Variants in EHMT1 observed in about 807,000 individuals in gnomAD.
EHMT1 encodes the protein histone-lysine N-methyltransferase EHMT1.
A neutral mutation model predicts 147.2 loss-of-function variants in EHMT1; 15 were observed. The observed-to-expected ratio is 0.10, with a 90% confidence interval of 0.07 to 0.16. The LOEUF is 0.16. EHMT1 is among the 10% of genes least tolerant of loss of function. The pLI, the probability that EHMT1 is intolerant of heterozygous loss-of-function variation, is 1.00. For synonymous variants in EHMT1, 795 were observed against 709.6 expected (o/e 1.12, Z -1.91); for missense variants, 1,587 against 1,772.4 (o/e 0.90, Z 1.88).
rs1437319177 is a variant in EHMT1, at chr9:137,813,650, A to G, written c.3180+120A>G. 4 of 1,393,280 alleles carry G rather than the reference A, an allele frequency of 2.9e-6. No homozygotes were observed. The highest frequency in any genetic ancestry group is 4.0e-6 in the Non-Finnish European group (4 of 1,011,612). The allele number at this position is 1,393,280 out of a possible 1,614,324, so 86.3% of individuals were successfully genotyped here. Reference sequence around the variant, plus strand: ...CAGGAGGGCTTATGGGGGGCTTCCCAGGAAGACCTCATTCTCTTTGTAGTT... The same window carrying G: ...CAGGAGGGCTTATGGGGGGCTTCCCGGGAAGACCTCATTCTCTTTGTAGTT... On this transcript the variant is annotated intron_variant, in intron 21 of 26. Coordinates refer to ENST00000460843, the MANE Select transcript of EHMT1 (RefSeq NM_024757.5). The surrounding 1 kb of genome is among the most constrained non-coding windows in gnomAD (Gnocchi z 4.9).
intron 1 of EHMT1, among the ~76,000 whole-genome samples, chr9:137,697,773 A>G (rs750832348): frequency 6.6e-6 from 1 of 152,254 alleles, no homozygotes; most frequent in Non-Finnish European, 1.5e-5. Flanking sequence ...GCTTTCTGGA[A>G]AAATGAGCAA....
At chr9:137,659,796 C>A (rs772558420) in intron 1 of EHMT1, among the ~76,000 whole-genome samples, 1 of 152,004 alleles carries the variant, frequency 6.6e-6, no homozygotes, top group Non-Finnish European at 1.5e-5. Flanking sequence ...AGGCTGGTCT[C>A]AAACTCGTGG....
At chr9:137,803,001 C>A (rs893060588) in intron 18 of EHMT1, 7 of 1,231,618 alleles carry the variant, frequency 5.7e-6, no homozygotes, top group Admixed American at 4.2e-5. Context: ...AAGGCAGAGG[C>A]CACCCCCAGG....
At chr9:137,644,657 T>C (rs941951718) in intron 1 of EHMT1, among the ~76,000 whole-genome samples, 1 of 152,112 alleles carries the variant, frequency 6.6e-6, no homozygotes, top group Non-Finnish European at 1.5e-5. Context: ...ATGAGTTATG[T>C]ATCTAAAAGT....
intron 1 of EHMT1, among the ~76,000 whole-genome samples, chr9:137,689,921 G>A (rs952340431): frequency 3.3e-5 from 5 of 152,204 alleles, no homozygotes; most frequent in East Asian, 1.9e-4. Context: ...TGGAGTAGAC[G>A]CGTGGAGATG....
chr9:137,685,688 A>G (rs1266555847), intron 1 of EHMT1, among the ~76,000 whole-genome samples: 2 of 152,180 alleles, frequency 1.3e-5, no homozygotes, highest in Non-Finnish European at 2.9e-5. Context: ...TTCCATTAGC[A>G]ATACATGAGG....
At chr9:137,822,055 T>C (rs1955459516) in intron 25 of EHMT1, among the ~76,000 whole-genome samples, 1 of 152,262 alleles carries the variant, frequency 6.6e-6, no homozygotes, top group Admixed American at 6.5e-5. Flanking sequence ...ATATGGAGCA[T>C]TTCTGTCACC....
chr9:137,834,039 C>T (rs1246242377), intron 25 of EHMT1: 2 of 466,346 alleles, frequency 4.3e-6, no homozygotes, highest in East Asian at 8.3e-5. Context: ...GGTGGGATGG[C>T]GCTGTCCACA....
At chr9:137,626,146 C>T (rs150252604) in intron 1 of EHMT1, among the ~76,000 whole-genome samples, 6,470 of 151,490 alleles carry the variant, frequency 0.043, 458 homozygotes, top group African/African-American at 0.15. Context: ...AGATTACAGG[C>T]GTGAGCCACC....
chr9:137,815,523 A>T, intron 22 of EHMT1: 1 of 293,522 alleles, frequency 3.4e-6, no homozygotes, highest in South Asian at 3.4e-5. Context: ...AAAGGGGAGC[A>T]GAGGGCTGGG....
At chr9:137,830,141 G>T (rs1015478797) in intron 25 of EHMT1, among the ~76,000 whole-genome samples, 1 of 150,692 alleles carries the variant, frequency 6.6e-6, no homozygotes, top group Non-Finnish European at 1.5e-5. Context: ...TGTTTGATCA[G>T]TTATAGCCAT....
At chr9:137,829,018 C>T (rs955650375) in intron 25 of EHMT1, among the ~76,000 whole-genome samples, 34 of 152,228 alleles carry the variant, frequency 2.2e-4, no homozygotes, top group East Asian at 3.9e-4. Flanking sequence ...GCACCAGGCC[C>T]GGGTGTCTGT....
At chr9:137,707,133 A>G (rs1944335692) in intron 1 of EHMT1, among the ~76,000 whole-genome samples, 1 of 152,218 alleles carries the variant, frequency 6.6e-6, no homozygotes, top group South Asian at 2.1e-4. Flanking sequence ...CCTATCATTT[A>G]CATTTGTATT....
Position 137,790,838 on chromosome 9 carries a change from G to A in EHMT1, c.2383-10G>A. The A allele has an allele frequency of 6.2e-7, 1 of 1,614,172 alleles. No homozygotes were observed. The highest frequency in any genetic ancestry group is 8.5e-7 in the Non-Finnish European group (1 of 1,180,026). The stretch of plus-strand genomic sequence containing the variant: ...AGCCCTCCCATACACCTGAACTGTT[G>A]TTTCACTAGGCGGGCGCTAATATTG... On this transcript the variant is annotated splice_polypyrimidine_tract_variant and intron_variant, in intron 15 of 26. Coordinates refer to ENST00000460843, the MANE Select transcript of EHMT1 (RefSeq NM_024757.5).
chr9:137,681,799 T>C lies in EHMT1; in HGVS notation c.22-29168T>C, dbSNP rs150106471. 1.6e-3 allele frequency among the ~76,000 whole-genome samples: 251 copies of C among 152,272 alleles called. 1 individual carries two copies. Among genetic ancestry groups the C allele is most frequent in the African/African-American group, 5.8e-3 (242 of 41,570 alleles). On this transcript the variant is annotated intron_variant, in intron 1 of 26. Transcript: ENST00000460843. ...CCAGATCTGACTTTTGCTAAGTCCA[T>C]GTGCCCCTCCAGGTGTTTGTGTGGT...
intron 2 of EHMT1, among the ~76,000 whole-genome samples, chr9:137,712,616 C>G (rs1269003735): frequency 1.3e-5 from 2 of 152,170 alleles, no homozygotes; most frequent in East Asian, 3.9e-4. Context: ...CCTGTGATTT[C>G]AAATTGGATT....
intron 1 of EHMT1, among the ~76,000 whole-genome samples, chr9:137,686,603 T>C (rs568102110): frequency 6.6e-6 from 1 of 152,106 alleles, no homozygotes; most frequent in South Asian, 2.1e-4. Flanking sequence ...TTGCCCATGC[T>C]GATCTGGAAC....
chr9:137,691,070 ACT>A (rs975922055), intron 1 of EHMT1, among the ~76,000 whole-genome samples: 58 of 151,634 alleles, frequency 3.8e-4, no homozygotes, highest in Admixed American at 2.1e-3. Flanking sequence ...TCAAGCTGAA[ACT>A]CTGTCTCCAT....
chr9:137,695,936 C>T (rs1408775971), intron 1 of EHMT1, among the ~76,000 whole-genome samples: 1 of 152,218 alleles, frequency 6.6e-6, no homozygotes, highest in Non-Finnish European at 1.5e-5. Context: ...GCCGAAAGAA[C>T]TGGACAAAGG....
Sources: gnomAD v4.1 joint callset for allele counts (sites outside exome capture counted in the v4.1 genomes callset) on GRCh38, gnomAD v4.1.1 for gene constraint, Gnocchi (gnomAD v3.1) non-coding constraint, MANE v1.5 for transcripts, NCBI Gene and HGNC (gene_info 2026-07-23, HGNC 2026-07-21) for gene names.